Variants in BNIP2 observed in about 807,000 individuals in gnomAD.
BNIP2 encodes the protein BCL2 interacting protein 2.
Under a neutral mutation model 43.4 loss-of-function variants are expected in BNIP2, and 36 were observed. The observed-to-expected ratio is 0.83, with a 90% CI of 0.64 to 1.10. The LOEUF (loss-of-function observed/expected upper bound fraction) is 1.10, where lower values mean the gene tolerates loss of function less well. Among genes scored for constraint, BNIP2 ranks in the 50% least tolerant of loss-of-function variants. The pLI, the probability that BNIP2 is intolerant of heterozygous loss-of-function variation, is 0.00. For missense variants in BNIP2, 417 were observed against 374.1 expected, an observed-to-expected ratio of 1.11 and a Z score of -0.95; for synonymous variants, 146 against 121.0, an observed-to-expected ratio of 1.21 and a Z score of -1.35.
chr15:59,689,132 C>G lies in BNIP2; in HGVS notation c.-58+3G>C. On this transcript the variant is annotated splice_donor_region_variant and intron_variant, in intron 1 of 9. Coordinates refer to ENST00000607373, the MANE Select transcript of BNIP2 (RefSeq NM_004330.4). ...GTGCCGAGTTCTCCCAGGCCGCACTCACCCCGGAGGAAGCCTTGGCCCCCT... is the reference window on the plus strand; with the variant it reads ...GTGCCGAGTTCTCCCAGGCCGCACTGACCCCGGAGGAAGCCTTGGCCCCCT... 6.5e-7 allele frequency: 1 copy of G among 1,536,192 alleles called. No homozygotes were observed. Among genetic ancestry groups the G allele is most frequent in the Non-Finnish European group, 8.7e-7 (1 of 1,146,084 alleles).
chr15:59,682,408 A>C lies in BNIP2; in HGVS notation c.50T>G (p.Ile17Arg). 2 of 1,610,480 alleles carry C rather than the reference A, an allele frequency of 1.2e-6. No individual in the cohort carries two copies. The highest frequency in any genetic ancestry group is 1.7e-6 in the Non-Finnish European group (2 of 1,178,790). ...GTTTTCTTTTAAAAGCATTGCTCAC[A>C]TCGGAAAATCTTCATCTTGCCATTC... ...KEEWQDEDFPIPLPEDDSIEA... is the reference protein window; with the variant it reads ...KEEWQDEDFPRPLPEDDSIEA... Residue 17 changes from isoleucine (I) to arginine (R), a missense_variant and splice_region_variant, in exon 2 of 10, where the codon ATA becomes AGA. Physicochemically the swap from Ile to Arg is moderately conservative, Grantham distance 97 (BLOSUM62 -3). Coordinates refer to ENST00000607373, the MANE Select transcript of BNIP2 (RefSeq NM_004330.4).
rs1375348937 is a variant in BNIP2, at chr15:59,671,224, A to G, written c.666T>C (p.Ser222=). 5.6e-6 allele frequency: 9 copies of G among 1,602,700 alleles called. No homozygotes were observed. Among genetic ancestry groups the G allele is most frequent in the African/African-American group, 1.3e-5 (1 of 74,962 alleles). The part of the protein sequence containing the change: ...NGATTRRKMP[S]LGWLRKCYQQ... The stretch of plus-strand genomic sequence containing the variant: ...GATAACATTTCCTGAGCCATCCCAG[A>G]CTGGGCATTTTTCTTCGAGTTGTTG... The change falls in exon 7 of 10, where the codon AGT becomes AGC. Residue 222 remains serine, a synonymous_variant. Coordinates refer to ENST00000607373, the MANE Select transcript of BNIP2 (RefSeq NM_004330.4).
intron 1 of BNIP2, among the ~76,000 whole-genome samples, chr15:59,684,182 C>A (rs6151464): frequency 0.33 from 49,972 of 151,756 alleles, 8,514 homozygotes; most frequent in East Asian, 0.54. Context: ...TTTTACTTAC[C>A]CTCAAGAGAA....
chr15:59,677,878 T>G, intron 5 of BNIP2, 33 bp downstream of exon 5: 1 of 1,578,600 alleles, frequency 6.3e-7, no homozygotes, highest in Non-Finnish European at 8.6e-7. Flanking sequence ...GATATTGCAT[T>G]AAACAATCTG....
At chr15:59,685,746 G>T (rs1333926615) in intron 1 of BNIP2, among the ~76,000 whole-genome samples, 1 of 152,154 alleles carries the variant, frequency 6.6e-6, no homozygotes, top group Non-Finnish European at 1.5e-5. Context: ...ATGAATTTTA[G>T]GGGAAAAGTA....
At chr15:59,673,736 T>A (rs1037499740) in intron 5 of BNIP2, among the ~76,000 whole-genome samples, 2 of 152,146 alleles carry the variant, frequency 1.3e-5, no homozygotes, top group African/African-American at 4.8e-5. Context: ...AAGTGGGTGA[T>A]TTTTAAAAGG....
chr15:59,673,139 G>C (rs1254961504), intron 5 of BNIP2, among the ~76,000 whole-genome samples: 1 of 133,484 alleles, frequency 7.5e-6, no homozygotes. Flanking sequence ...TTTTTTTTTA[G>C]ATGGAGTCTC....
chr15:59,663,971 G>C lies in BNIP2; in HGVS notation c.*98C>G. On this transcript the variant is annotated 3_prime_UTR_variant, in exon 10 of 10. Transcript: ENST00000607373. ...AAAAGTCAAGTCTATTTTGTAACAG[G>C]TTACATAAAAATATGGGCCAATAAA... is the stretch of plus-strand genomic sequence containing the variant. 2.1e-6 allele frequency: 2 copies of C among 950,908 alleles called. No homozygotes were observed. The highest frequency in any genetic ancestry group is 2.2e-4 in the Middle Eastern group (1 of 4,604). The allele number at this position is 950,908 out of a possible 1,614,324, so 58.9% of individuals were successfully genotyped here.
chr15:59,671,362 C>A (rs6151546), intron 6 of BNIP2, 48 bp from the exon 7 acceptor site: 3 of 1,503,010 alleles, frequency 2.0e-6, no homozygotes, highest in Admixed American at 4.0e-5. Context: ...CTGTGCATAA[C>A]TGAACTAGGT....
intron 9 of BNIP2, among the ~76,000 whole-genome samples, chr15:59,666,441 T>C (rs1892572270): frequency 6.6e-6 from 1 of 152,066 alleles, no homozygotes; most frequent in Non-Finnish European, 1.5e-5. Flanking sequence ...CCGAGGTGGG[T>C]GGATCACTTG....
intron 3 of BNIP2, among the ~76,000 whole-genome samples, chr15:59,680,030 C>T (rs932915978): frequency 2.6e-5 from 4 of 152,098 alleles, no homozygotes; most frequent in Non-Finnish European, 4.4e-5. Flanking sequence ...CTCCTCCACC[C>T]CTTTACTGTA....
At chr15:59,681,980 T>G (rs1893707217) in intron 2 of BNIP2, among the ~76,000 whole-genome samples, 1 of 135,358 alleles carries the variant, frequency 7.4e-6, no homozygotes, top group African/African-American at 2.6e-5. Flanking sequence ...AATCTAACTG[T>G]TCCGAAGAAA....
intron 9 of BNIP2, among the ~76,000 whole-genome samples, chr15:59,668,402 C>G (rs1464079596): frequency 1.3e-5 from 2 of 152,086 alleles, no homozygotes; most frequent in Admixed American, 6.5e-5. Context: ...CTACCAAGTC[C>G]AAGAAGTTAC....
At position 59,680,247 on chromosome 15, in the gene BNIP2, G is replaced by T; in HGVS notation, c.112C>A (p.Gln38Lys). 6.3e-7 allele frequency: 1 copy of T among 1,589,610 alleles called. No individual in the cohort carries two copies. The highest frequency in any genetic ancestry group is 8.6e-7 in the Non-Finnish European group (1 of 1,165,930). Residue 38 changes from glutamine to lysine, a missense_variant, in exon 3 of 10, where the codon CAG becomes AAG. Gln to Lys is a moderately conservative substitution (Grantham distance 53, BLOSUM62 1). Transcript: ENST00000607373. Reference protein sequence around the residue: ...DILAITGPEDQPGSLEVNGNK... With the variant: ...DILAITGPEDKPGSLEVNGNK... The stretch of plus-strand genomic sequence containing the variant: ...GTAAGTGTCAAGCTCTTACCAGGCT[G>T]GTCCTCTGGTCCAGTTATAGCTAGT...
Position 59,677,939 on chromosome 15 carries a change from T to A in BNIP2, c.444A>T (p.Glu148Asp). 1.2e-6 allele frequency: 2 copies of A among 1,612,740 alleles called. No homozygotes were observed. The highest frequency in any genetic ancestry group is 1.7e-6 in the Non-Finnish European group (2 of 1,179,502). Residue 148 changes from glutamate (E) to aspartate (D), a missense_variant, in exon 5 of 10, where the codon GAA becomes GAT. By Grantham distance (45) the Glu-to-Asp change is conservative (BLOSUM62 2). Transcript: ENST00000607373. ...CATGGCTGATAACTTTTTTATAGGG[T>A]TCAATTGCCTTCATATCAACCCTGT... is the stretch of plus-strand genomic sequence containing the variant. ...QDHRVDMKAI[E>D]PYKKVISHGG...
chr15:59,677,578 C>A (rs1893385120), intron 5 of BNIP2, among the ~76,000 whole-genome samples: 1 of 152,114 alleles, frequency 6.6e-6, no homozygotes, highest in African/African-American at 2.4e-5. Flanking sequence ...CACAGTATGT[C>A]AAAAGTAATG....
chr15:59,668,572 T>C (rs1423981426), intron 9 of BNIP2, among the ~76,000 whole-genome samples: 2 of 152,240 alleles, frequency 1.3e-5, no homozygotes, highest in African/African-American at 4.8e-5. Flanking sequence ...ATGTTCAAGT[T>C]TGGAGAATGC....
intron 5 of BNIP2, chr15:59,677,423 T>G: frequency 6.8e-7 from 1 of 1,471,110 alleles, no homozygotes. Flanking sequence ...GACACAGTCC[T>G]AGGAACCATT....
In BNIP2 at chr15:59,673,072, C is replaced by A. The variant is rs115754364; in HGVS notation, c.473-333G>T. On this transcript the variant is annotated intron_variant, in intron 5 of 9. Coordinates refer to ENST00000607373, the MANE Select transcript of BNIP2 (RefSeq NM_004330.4). ...ATACAATACAGACACAATACAATAACTGCAATGTATTTTTATTTATTTCTA... is the reference window on the plus strand; with the variant it reads ...ATACAATACAGACACAATACAATAAATGCAATGTATTTTTATTTATTTCTA... Among the ~76,000 whole-genome samples, 283 of 151,426 alleles carry A rather than the reference C, an allele frequency of 1.9e-3. 2 individuals are homozygous for A. The highest frequency in any genetic ancestry group is 6.5e-3 in the African/African-American group (270 of 41,278).
Sources: allele counts gnomAD v4.1 joint callset (sites outside exome capture counted in the v4.1 genomes callset), GRCh38; gene constraint gnomAD v4.1.1; transcripts MANE v1.5; gene names NCBI Gene and HGNC (gene_info 2026-07-23, HGNC 2026-07-21).